The following DPRX variants were observed in gnomAD, a reference collection of about 807,000 sequenced individuals.
DPRX encodes the protein divergent paired-related homeobox.
A neutral mutation model predicts 8.4 loss-of-function variants in DPRX; 11 were observed. The ratio of observed to expected loss-of-function variants is 1.31; its 90% confidence interval spans 0.82 to 2.17. The LOEUF (loss-of-function observed/expected upper bound fraction) is 2.17, where lower values mean the gene tolerates loss of function less well. DPRX is among the 30% of genes most tolerant of loss of function. The pLI is 0.00. For missense variants in DPRX, 211 were observed against 236.7 expected (o/e 0.89, Z 0.71); for synonymous variants, 72 against 87.0 (o/e 0.83, Z 0.96).
chr19:53,602,695 C>T, the DPRX span, among the ~76,000 whole-genome samples: 5,938 of 151,848 alleles, frequency 0.039, 399 homozygotes, highest in African/African-American at 0.14. Context: ...CCACCGTGCT[C>T]GGCTAATTTT....
the DPRX span, chr19:53,601,851 G>A: frequency 2.7e-6 from 1 of 367,030 alleles, no homozygotes; most frequent in Non-Finnish European, 5.4e-6. Flanking sequence ...GTACTGATAT[G>A]TGGGGGCTGG....
In DPRX at chr19:53,636,590, C is replaced by A; in HGVS notation, c.184-6C>A. 6.2e-7 allele frequency: 1 copy of A among 1,600,684 alleles called. No homozygotes were observed. Among genetic ancestry groups the A allele is most frequent in the Non-Finnish European group, 8.5e-7 (1 of 1,172,564 alleles). Reference sequence around the variant, plus strand: ...CACCCCATTCTCTTCTCTCTCTTCCCTTCAGGTCTGGTTCAAGAATCACAG... The same window carrying A: ...CACCCCATTCTCTTCTCTCTCTTCCATTCAGGTCTGGTTCAAGAATCACAG... On this transcript the variant is annotated splice_polypyrimidine_tract_variant and splice_region_variant and intron_variant, in intron 2 of 2. Coordinates refer to ENST00000376650, the Ensembl canonical transcript of DPRX.
chr19:53,620,766 G>T, the DPRX span, among the ~76,000 whole-genome samples: 1 of 151,842 alleles, frequency 6.6e-6, no homozygotes, highest in Non-Finnish European at 1.5e-5. Flanking sequence ...TCTAAATTTT[G>T]TATTTTTAGT....
At chr19:53,630,704 T>TA (rs2122157204), upstream of DPRX, among the ~76,000 whole-genome samples, 1 of 151,612 alleles carries the variant, frequency 6.6e-6, no homozygotes, top group East Asian at 2.0e-4. Flanking sequence ...CTGTCACAAG[T>TA]AGAGATGTGC....
At chr19:53,625,033 ACAATAGCAGAT>A in the DPRX span, among the ~76,000 whole-genome samples, 3 of 150,672 alleles carry the variant, frequency 2.0e-5, no homozygotes, top group Non-Finnish European at 4.4e-5. Flanking sequence ...CCCTTAAAGG[ACAATAGCAGAT>A]CAAGGTGTCA....
chr19:53,615,663 T>G, the DPRX span, among the ~76,000 whole-genome samples: 2 of 152,168 alleles, frequency 1.3e-5, no homozygotes, highest in African/African-American at 4.8e-5. Flanking sequence ...TTTCCTAGTT[T>G]CTTCTGATTA....
At chr19:53,613,515 T>C in the DPRX span, among the ~76,000 whole-genome samples, 1 of 130,768 alleles carries the variant, frequency 7.6e-6, no homozygotes, top group Non-Finnish European at 1.6e-5. Flanking sequence ...GCCCCGCTAA[T>C]TTTTTTTTTT....
chr19:53,629,200 C>T (rs1389154326), upstream of DPRX, among the ~76,000 whole-genome samples: 2 of 151,160 alleles, frequency 1.3e-5, no homozygotes, highest in African/African-American at 4.9e-5. Context: ...TGTAATCCCA[C>T]CTACTCAGGA....
At chr19:53,607,927 C>T in the DPRX span, among the ~76,000 whole-genome samples, 7 of 151,108 alleles carry the variant, frequency 4.6e-5, no homozygotes, top group African/African-American at 1.7e-4. Flanking sequence ...AATCCTAGCA[C>T]TTTGGGAGTC....
chr19:53,609,484 A>C, the DPRX span, among the ~76,000 whole-genome samples: 2 of 149,716 alleles, frequency 1.3e-5, no homozygotes, highest in Non-Finnish European at 1.5e-5. Flanking sequence ...AAAAAAAAAA[A>C]AAAAAAAAAA....
At chr19:53,615,004 T>C in the DPRX span, among the ~76,000 whole-genome samples, 3 of 151,918 alleles carry the variant, frequency 2.0e-5, no homozygotes, top group Non-Finnish European at 4.4e-5. Context: ...TCATTTGTGG[T>C]GCTATAGTTG....
At chr19:53,613,321 G>A in the DPRX span, among the ~76,000 whole-genome samples, 1 of 151,920 alleles carries the variant, frequency 6.6e-6, no homozygotes, top group Non-Finnish European at 1.5e-5. Flanking sequence ...GGAGGGGGGA[G>A]GTCACTGCAC....
the DPRX span, among the ~76,000 whole-genome samples, chr19:53,601,555 G>A: frequency 6.8e-6 from 1 of 147,776 alleles, no homozygotes; most frequent in Non-Finnish European, 1.5e-5. Context: ...GATCTCAGCT[G>A]AATGCAACAT....
At chr19:53,620,714 A>C in the DPRX span, among the ~76,000 whole-genome samples, 1 of 150,298 alleles carries the variant, frequency 6.7e-6, no homozygotes, top group Non-Finnish European at 1.5e-5. Flanking sequence ...TTTGAGACCA[A>C]GTCTCACTCT....
At chr19:53,615,074 G>A in the DPRX span, among the ~76,000 whole-genome samples, 3 of 151,174 alleles carry the variant, frequency 2.0e-5, no homozygotes, top group Non-Finnish European at 2.9e-5. Flanking sequence ...TTTTTTAGAC[G>A]GATTCTTCCT....
chr19:53,632,289 GT>G (rs2091095661), intron 1 of DPRX, among the ~76,000 whole-genome samples, 155 bp downstream of exon 1: 1 of 151,878 alleles, frequency 6.6e-6, no homozygotes, highest in South Asian at 2.1e-4. Context: ...CGTTTTTGTT[GT>G]TGTTGTTTTG....
chr19:53,632,489 T>C (rs538013912), intron 1 of DPRX, among the ~76,000 whole-genome samples: 1 of 151,336 alleles, frequency 6.6e-6, no homozygotes, highest in South Asian at 2.1e-4. Flanking sequence ...TTTGTATTTT[T>C]AGTAGAGCCG....
At chr19:53,609,383 G>T in the DPRX span, among the ~76,000 whole-genome samples, 1 of 144,188 alleles carries the variant, frequency 6.9e-6, no homozygotes, top group African/African-American at 2.6e-5. Flanking sequence ...CAGGAGAAGC[G>T]CTTGAACCTG....
At chr19:53,629,235 A>G (rs2091082148), upstream of DPRX, among the ~76,000 whole-genome samples, 1 of 150,838 alleles carries the variant, frequency 6.6e-6, no homozygotes, top group African/African-American at 2.4e-5. Context: ...AATCACTTGA[A>G]TTTAGGAGGC....
Sources: allele counts gnomAD v4.1 joint callset (sites outside exome capture counted in the v4.1 genomes callset), GRCh38; gene constraint gnomAD v4.1.1; transcripts MANE v1.5; gene names NCBI Gene and HGNC (gene_info 2026-07-23, HGNC 2026-07-21).